The following KHDRBS2 variants were observed in gnomAD, a reference collection of about 807,000 sequenced individuals.
KHDRBS2 encodes KH domain-containing, RNA-binding, signal transduction-associated protein 2.
In KHDRBS2, 26 loss-of-function variants were observed where a neutral mutation model predicts 44.3. The ratio of observed to expected loss-of-function variants is 0.59; its 90% CI spans 0.43 to 0.81. The LOEUF (loss-of-function observed/expected upper bound fraction) is 0.81. KHDRBS2 is among the 40% of genes least tolerant of loss of function. The pLI is 0.00. For missense variants in KHDRBS2, 476 were observed against 433.1 expected (o/e 1.10, Z -0.88); for synonymous variants, 194 against 151.1 (o/e 1.28, Z -2.08).
At chr6:61,798,329 C>T (rs1204101728) in intron 6 of KHDRBS2, among the ~76,000 whole-genome samples, 1 of 152,046 alleles carries the variant, frequency 6.6e-6, no homozygotes, top group Non-Finnish European at 1.5e-5. Context: ...TATTTCACTT[C>T]CATGCTCAAA....
chr6:62,162,614 T>C (rs1319989740), intron 2 of KHDRBS2, among the ~76,000 whole-genome samples: 2 of 152,102 alleles, frequency 1.3e-5, no homozygotes, highest in Non-Finnish European at 2.9e-5. Flanking sequence ...CCCCTGGAAT[T>C]TGCAATACTT....
At chr6:62,064,514 A>G (rs1793003073) in intron 2 of KHDRBS2, among the ~76,000 whole-genome samples, 1 of 147,310 alleles carries the variant, frequency 6.8e-6, no homozygotes, top group South Asian at 2.2e-4. Context: ...AAACCTGAGA[A>G]AAACAAGCAA....
At chr6:61,977,358 G>T (rs1025816529) in intron 4 of KHDRBS2, among the ~76,000 whole-genome samples, 3 of 152,066 alleles carry the variant, frequency 2.0e-5, no homozygotes, top group African/African-American at 7.2e-5. Flanking sequence ...ATGCTAAATT[G>T]TCAATCTTTA....
intron 3 of KHDRBS2, among the ~76,000 whole-genome samples, chr6:62,010,113 T>G (rs1007668437): frequency 1.3e-5 from 2 of 152,090 alleles, no homozygotes; most frequent in Non-Finnish European, 2.9e-5. Flanking sequence ...GGTTGTACCC[T>G]GCAAAGCCAC....
chr6:61,989,412 A>G (rs1775692622), intron 3 of KHDRBS2, among the ~76,000 whole-genome samples: 1 of 152,216 alleles, frequency 6.6e-6, no homozygotes, highest in African/African-American at 2.4e-5. Flanking sequence ...GGATAAAGCT[A>G]ATTAGCTAAT....
intron 2 of KHDRBS2, among the ~76,000 whole-genome samples, chr6:62,169,140 T>C (rs1471742402): frequency 6.4e-5 from 7 of 109,678 alleles, no homozygotes; most frequent in Non-Finnish European, 9.5e-5. Context: ...TATACACACA[T>C]ATATGTGTGT....
chr6:62,148,302 C>A (rs755083857), intron 2 of KHDRBS2, among the ~76,000 whole-genome samples: 7 of 151,994 alleles, frequency 4.6e-5, no homozygotes, highest in Non-Finnish European at 7.4e-5. Context: ...GCTAAACTAT[C>A]TAAACACTTG....
intron 2 of KHDRBS2, among the ~76,000 whole-genome samples, chr6:62,102,216 T>C (rs1802056717): frequency 6.6e-6 from 1 of 152,178 alleles, no homozygotes; most frequent in South Asian, 2.1e-4. Flanking sequence ...AATTAGAGGG[T>C]TTCATATGAT....
chr6:62,106,503 T>A (rs1434384154), intron 2 of KHDRBS2, among the ~76,000 whole-genome samples: 2 of 152,152 alleles, frequency 1.3e-5, no homozygotes, highest in African/African-American at 4.8e-5. Flanking sequence ...TTAGCTATTC[T>A]TGGTGAATTG....
intron 4 of KHDRBS2, among the ~76,000 whole-genome samples, chr6:61,955,426 A>G (rs553515982): frequency 7.0e-6 from 1 of 143,310 alleles, no homozygotes; most frequent in Non-Finnish European, 1.5e-5. Context: ...ATATACACAT[A>G]CGTATGTGTA....
chr6:61,638,502 C>T, the KHDRBS2 span, among the ~76,000 whole-genome samples: 2 of 152,038 alleles, frequency 1.3e-5, no homozygotes, highest in Non-Finnish European at 2.9e-5. Context: ...ATACAAAAAT[C>T]AATTCAAGAT....
At chr6:62,280,094 T>C (rs1841589199) in intron 1 of KHDRBS2, among the ~76,000 whole-genome samples, 1 of 152,180 alleles carries the variant, frequency 6.6e-6, no homozygotes, top group Non-Finnish European at 1.5e-5. Context: ...GGAAAATATC[T>C]AGCTTTCTGT....
rs571016353 is a variant in KHDRBS2 at position 61,829,280 on chromosome 6, G to A, written c.810+65355C>T. On this transcript the variant is annotated intron_variant, in intron 6 of 8. Coordinates refer to ENST00000281156, the MANE Select transcript of KHDRBS2 (RefSeq NM_152688.4). Reference sequence around the variant, plus strand: ...GGGTTAAAGCAATTCTCCTGCCTCAGCTTCCCGAGTAGCTGGGACTACAGG... The same window carrying A: ...GGGTTAAAGCAATTCTCCTGCCTCAACTTCCCGAGTAGCTGGGACTACAGG... Among the ~76,000 whole-genome samples the A allele has an allele frequency of 1.1e-3, 172 of 152,270 alleles. 1 individual carries two copies. Among genetic ancestry groups the A allele is most frequent in the African/African-American group, 3.9e-3 (163 of 41,566 alleles).
chr6:62,145,039 C>G (rs1365167480), intron 2 of KHDRBS2, among the ~76,000 whole-genome samples: 1 of 151,942 alleles, frequency 6.6e-6, no homozygotes, highest in Non-Finnish European at 1.5e-5. Context: ...GTATGAGGGT[C>G]TCACCAGAAG....
At chr6:61,560,321 A>G in the KHDRBS2 span, among the ~76,000 whole-genome samples, 1 of 152,138 alleles carries the variant, frequency 6.6e-6, no homozygotes, top group African/African-American at 2.4e-5. Flanking sequence ...TGTCCAATCA[A>G]CTTCCTTGTA....
At chr6:62,010,097 G>T (rs1198782532) in intron 3 of KHDRBS2, among the ~76,000 whole-genome samples, 1 of 152,152 alleles carries the variant, frequency 6.6e-6, no homozygotes, top group Non-Finnish European at 1.5e-5. Context: ...AGGCAGCCTG[G>T]AGGGAGGTTG....
intron 2 of KHDRBS2, among the ~76,000 whole-genome samples, chr6:62,103,638 C>T (rs907338161): frequency 6.6e-6 from 1 of 150,880 alleles, no homozygotes; most frequent in Non-Finnish European, 1.5e-5. Context: ...GGCTTCCACC[C>T]CAACAATGGG....
At chr6:61,614,883 T>G in the KHDRBS2 span, among the ~76,000 whole-genome samples, 1 of 152,074 alleles carries the variant, frequency 6.6e-6, no homozygotes, top group African/African-American at 2.4e-5. Context: ...TTTTTGATCT[T>G]CAAATAGGAA....
chr6:62,007,532 A>C (rs969886595), intron 3 of KHDRBS2, among the ~76,000 whole-genome samples: 86 of 152,210 alleles, frequency 5.7e-4, no homozygotes, highest in African/African-American at 1.9e-3. Flanking sequence ...CTTAATTATC[A>C]TGCAAACTTT....
Sources: allele counts gnomAD v4.1 joint callset (sites outside exome capture counted in the v4.1 genomes callset), GRCh38; gene constraint gnomAD v4.1.1; transcripts MANE v1.5; gene names NCBI Gene and HGNC (gene_info 2026-07-23, HGNC 2026-07-21).